MED14: variants seen among roughly 807,000 people sequenced by gnomAD.
MED14 encodes the protein mediator complex subunit 14, also known as mediator of RNA polymerase II transcription subunit 14.
A neutral mutation model predicts 109.0 loss-of-function variants in MED14; 8 were observed. That is an observed-to-expected ratio of 0.07 (90% CI 0.04 to 0.13). The LOEUF is 0.13. Ranked by LOEUF, MED14 falls within the 10% of genes least tolerant of loss-of-function variation. The pLI is 1.00. For missense variants in MED14, 711 were observed against 1,142.4 expected (o/e 0.62, Z 5.44); for synonymous variants, 399 against 408.7 (o/e 0.98, Z 0.29).
At chrX:40,680,984 A>G (rs1435221878) in intron 19 of MED14, 74 bp from the exon 20 acceptor site, 3 of 783,914 alleles carry the variant, frequency 3.8e-6, no homozygotes, top group East Asian at 3.4e-5. Flanking sequence ...AAAAATGTTA[A>G]AAGTAAGGCA....
chrX:40,728,746 AGCAGTAGGC>A (rs1055491166), intron 2 of MED14, among the ~76,000 whole-genome samples: 11 of 111,990 alleles, frequency 9.8e-5, no homozygotes, highest in Non-Finnish European at 1.7e-4. Flanking sequence ...TAACAGTAGG[AGCAGTAGGC>A]AAATGTCAAC....
At chrX:40,669,983 G>A (rs186571687) in intron 23 of MED14, among the ~76,000 whole-genome samples, 96 of 112,197 alleles carry the variant, frequency 8.6e-4, no homozygotes, top group Non-Finnish European at 1.4e-3. Context: ...TACAGATGAA[G>A]ACTGTTTATC....
At chrX:40,657,920 T>C (rs751830658) in intron 28 of MED14, among the ~76,000 whole-genome samples, 2 of 109,525 alleles carry the variant, frequency 1.8e-5, no homozygotes, top group Non-Finnish European at 3.8e-5. Context: ...GCCTCCCAAG[T>C]AGTTGGGACT....
intron 13 of MED14, among the ~76,000 whole-genome samples, chrX:40,694,590 G>A (rs1930658404): frequency 9.0e-6 from 1 of 111,508 alleles, no homozygotes; most frequent in Non-Finnish European, 1.9e-5. Flanking sequence ...ATGAGCACAC[G>A]AAAATATGCT....
chrX:40,721,773 C>T (rs1445443356), intron 3 of MED14, among the ~76,000 whole-genome samples: 1 of 112,612 alleles, frequency 8.9e-6, no homozygotes, highest in Non-Finnish European at 1.9e-5. Flanking sequence ...GCTTACATCA[C>T]CATACCCCCA....
At chrX:40,681,534 A>G (rs775260119) in intron 19 of MED14, among the ~76,000 whole-genome samples, 19 of 111,951 alleles carry the variant, frequency 1.7e-4, no homozygotes, top group Non-Finnish European at 3.2e-4. Context: ...CTCATACACA[A>G]TTTTCCTTAC....
rs183627448 is a variant in MED14 at position 40,726,013 on chromosome X, G to A, written c.348+733C>T. ...TACAAAATCAACATACAAAACATCAGTAGTATTTCTATATGCCAATAGTGA... is the reference window on the plus strand; with the variant it reads ...TACAAAATCAACATACAAAACATCAATAGTATTTCTATATGCCAATAGTGA... On this transcript the variant is annotated intron_variant, in intron 3 of 30. Transcript: ENST00000324817. Among the ~76,000 whole-genome samples, 6 of 112,191 alleles carry A rather than the reference G, an allele frequency of 5.3e-5. No individual in the cohort carries two copies. In the East Asian group the frequency reaches 1.7e-3, roughly 31 times the overall value.
chrX:40,677,226 C>T, intron 21 of MED14, among the ~76,000 whole-genome samples: 1 of 112,032 alleles, frequency 8.9e-6, no homozygotes, highest in Admixed American at 9.5e-5. Flanking sequence ...AAGCAAGATG[C>T]ATACCATCTA....
intron 3 of MED14, 152 bp from the exon 4 acceptor site, chrX:40,714,862 T>C: frequency 6.2e-6 from 3 of 486,863 alleles, no homozygotes; most frequent in Non-Finnish European, 9.9e-6. Flanking sequence ...CTCCAGTAAC[T>C]TGAAGAAGAA....
chrX:40,695,535 T>G (rs887872762), intron 13 of MED14, among the ~76,000 whole-genome samples: 8 of 112,525 alleles, frequency 7.1e-5, no homozygotes, highest in African/African-American at 2.6e-4. Context: ...CACTGGTCAC[T>G]GACATTAAAG....
At chrX:40,703,112 T>C (rs1208263221) in intron 11 of MED14, among the ~76,000 whole-genome samples, 5 of 112,442 alleles carry the variant, frequency 4.4e-5, no homozygotes, top group Non-Finnish European at 9.4e-5. Context: ...AATTCCTTAT[T>C]GTGATTTCCA....
intron 3 of MED14, among the ~76,000 whole-genome samples, chrX:40,725,959 G>A (rs945311036): frequency 8.9e-6 from 1 of 111,908 alleles, no homozygotes; most frequent in Non-Finnish European, 1.9e-5. Context: ...AAAACTATTA[G>A]AACTGATAAA....
intron 22 of MED14, 140 bp from the exon 23 acceptor site, chrX:40,672,112 G>A (rs1331375655): frequency 2.8e-6 from 1 of 357,240 alleles, no homozygotes; most frequent in African/African-American, 2.6e-5. Flanking sequence ...ATATAAAAGT[G>A]TGCAAAATAA....
intron 28 of MED14, 34 bp from the exon 29 acceptor site, chrX:40,655,094 TATAA>T (rs1185889267): frequency 8.5e-7 from 1 of 1,170,138 alleles, no homozygotes; most frequent in African/African-American, 1.8e-5. Flanking sequence ...GATAAAGGCA[TATAA>T]ACATTTAAAA....
chrX:40,692,129 T>A, intron 15 of MED14, 54 bp downstream of exon 15: 1 of 1,130,126 alleles, frequency 8.8e-7, no homozygotes, highest in South Asian at 1.9e-5. Context: ...CAGCAACACA[T>A]TTTAAAAACT....
intron 16 of MED14, among the ~76,000 whole-genome samples, chrX:40,685,459 G>A (rs1033927073): frequency 8.9e-6 from 1 of 112,471 alleles, no homozygotes; most frequent in African/African-American, 3.2e-5. Context: ...TGCACAACTT[G>A]CAAAAAAAGA....
rs866735870 is a variant in MED14, at chrX:40,680,254, C to T, written c.2611-121G>A. ...CCTTCTGGCACATTCCATAAAACTTCCCCTTGAAGAGAATGCAAACTAGAT... is the reference window on the plus strand; with the variant it reads ...CCTTCTGGCACATTCCATAAAACTTTCCCTTGAAGAGAATGCAAACTAGAT... On this transcript the variant is annotated intron_variant, in intron 20 of 30. Coordinates refer to ENST00000324817, the MANE Select transcript of MED14 (RefSeq NM_004229.4). 5.6e-6 allele frequency: 4 copies of T among 719,660 alleles called. No homozygotes were observed. In the Middle Eastern group the frequency reaches 1.0e-3, roughly 186 times the overall value. 59.3% of individuals were successfully genotyped at this position (719,660 alleles called of 1,213,427 possible). A position where few individuals can be genotyped will look rare whatever the true frequency, so the allele number is the denominator to read the frequency against.
chrX:40,736,086 A>G (rs752844766), upstream of MED14, among the ~76,000 whole-genome samples: 1 of 111,720 alleles, frequency 9.0e-6, no homozygotes, highest in Non-Finnish European at 1.9e-5. Flanking sequence ...CCTCCTCTAA[A>G]TGTTCGTGAA....
At chrX:40,675,511 T>A in intron 21 of MED14, 150 bp from the exon 22 acceptor site, 1 of 385,132 alleles carries the variant, frequency 2.6e-6, no homozygotes, top group Admixed American at 6.1e-5. Context: ...TTGTTAATTT[T>A]GAAGCGGGAA....
Sources: allele counts gnomAD v4.1 joint callset (sites outside exome capture counted in the v4.1 genomes callset), GRCh38; gene constraint gnomAD v4.1.1; transcripts MANE v1.5; gene names NCBI Gene and HGNC (gene_info 2026-07-23, HGNC 2026-07-21).